Variants in ADAMTS17 observed in about 807,000 individuals in gnomAD.
ADAMTS17 encodes A disintegrin and metalloproteinase with thrombospondin motifs 17.
In ADAMTS17, 113 loss-of-function variants were observed where a neutral mutation model predicts 141.5. That is an observed-to-expected ratio of 0.80 (90% CI 0.69 to 0.93). The LOEUF is 0.93. ADAMTS17 is among the 40% of genes least tolerant of loss of function. The probability of loss-of-function intolerance (pLI) is 0.00; values close to 1 mark genes in which losing one functional copy is unlikely to be tolerated. For missense variants in ADAMTS17, 1,659 were observed against 1,517.9 expected, an observed-to-expected ratio of 1.09 and a Z score of -1.54; for synonymous variants, 768 against 630.6, an observed-to-expected ratio of 1.22 and a Z score of -3.27.
chr15:100,182,489 C>T (rs376309124), intron 8 of ADAMTS17, among the ~76,000 whole-genome samples: 12 of 152,256 alleles, frequency 7.9e-5, no homozygotes, highest in African/African-American at 2.2e-4. Flanking sequence ...GCTATCCCTC[C>T]GCCAAGCACA....
intron 18 of ADAMTS17, among the ~76,000 whole-genome samples, chr15:100,018,637 C>T (rs2061340299): frequency 6.6e-6 from 1 of 152,204 alleles, no homozygotes; most frequent in African/African-American, 2.4e-5. Flanking sequence ...TCCAGCTGTG[C>T]TTCCTGTACA....
chr15:100,089,568 A>C (rs1248301822), intron 15 of ADAMTS17, among the ~76,000 whole-genome samples: 1 of 151,784 alleles, frequency 6.6e-6, no homozygotes, highest in Admixed American at 6.6e-5. Context: ...AATAGCAAAG[A>C]CTTGGAACCA....
At chr15:100,331,078 G>T (rs143732895) in intron 2 of ADAMTS17, 24 bp from the exon 3 acceptor site, 9 of 1,613,850 alleles carry the variant, frequency 5.6e-6, no homozygotes, top group Non-Finnish European at 7.6e-6. Flanking sequence ...AGAAGGAAAC[G>T]CGATGTCGGT....
intron 20 of ADAMTS17, among the ~76,000 whole-genome samples, chr15:99,986,971 C>T (rs1249554561): frequency 3.3e-5 from 5 of 152,210 alleles, no homozygotes; most frequent in South Asian, 2.1e-4. Context: ...CCCTCATACA[C>T]GACCCTGGTT....
rs777283146 is a variant in ADAMTS17 at position 100,222,873 on chromosome 15, C to G, written c.1076-23450G>C. Among the ~76,000 whole-genome samples the G allele has an allele frequency of 2.0e-4, 30 of 152,144 alleles. 1 individual carries two copies. Among genetic ancestry groups the G allele is most frequent in the Admixed American group, 1.0e-3 (16 of 15,278 alleles). The stretch of plus-strand genomic sequence containing the variant: ...CCAGGCAGGAAGCCTAAGGGGGAGG[C>G]AGGCACCCTTCCAATGGTCTTTTGA... On this transcript the variant is annotated intron_variant, in intron 7 of 21. Transcript: ENST00000268070.
At chr15:100,292,387 TGTGAAATTACGAGAGACACTCACCCC>T (rs1219687368) in intron 3 of ADAMTS17, among the ~76,000 whole-genome samples, 1 of 150,862 alleles carries the variant, frequency 6.6e-6, no homozygotes, top group African/African-American at 2.5e-5. Context: ...GCTCACCCCG[TGTGAAATTACGAGAGACACTCACCCC>T]GTTAGAGACA....
chr15:100,267,466 T>C (rs1430065155), intron 4 of ADAMTS17, among the ~76,000 whole-genome samples: 2 of 152,216 alleles, frequency 1.3e-5, no homozygotes, highest in Non-Finnish European at 2.9e-5. Flanking sequence ...TCTTCCAGGC[T>C]CTGCTTTTAA....
chr15:100,043,664 C>T (rs1176693238), intron 18 of ADAMTS17, among the ~76,000 whole-genome samples: 1 of 152,168 alleles, frequency 6.6e-6, no homozygotes, highest in Non-Finnish European at 1.5e-5. Flanking sequence ...AGGATTATGA[C>T]TCAAAATACA....
At chr15:100,005,270 C>A (rs2061016033) in intron 18 of ADAMTS17, among the ~76,000 whole-genome samples, 1 of 152,198 alleles carries the variant, frequency 6.6e-6, no homozygotes, top group Admixed American at 6.5e-5. Flanking sequence ...CAAATTACCC[C>A]CAACTTAATG....
Position 100,341,801 on chromosome 15 carries a change from G to T in ADAMTS17, c.79+20C>A. The T allele has an allele frequency of 6.5e-7, 1 of 1,549,612 alleles. No homozygotes were observed. The highest frequency in any genetic ancestry group is 8.7e-7 in the Non-Finnish European group (1 of 1,146,384). Reference sequence around the variant, plus strand: ...AGCCGCAGGACGCGGGGTGAAGAGGGCTGTGGGAGGGGGCGCTACCTGTGC... The same window carrying T: ...AGCCGCAGGACGCGGGGTGAAGAGGTCTGTGGGAGGGGGCGCTACCTGTGC... On this transcript the variant is annotated intron_variant, in intron 1 of 21. Coordinates refer to ENST00000268070, the MANE Select transcript of ADAMTS17 (RefSeq NM_139057.4).
intron 7 of ADAMTS17, among the ~76,000 whole-genome samples, chr15:100,241,966 C>T (rs561867361): frequency 6.6e-6 from 1 of 152,308 alleles, no homozygotes; most frequent in African/African-American, 2.4e-5. Context: ...CATAACCTTC[C>T]TTCCCGTTCC....
At position 100,052,239 on chromosome 15, in the gene ADAMTS17, GTC is replaced by G. The variant is rs1214506191; in HGVS notation, c.2296-510_2296-509del. 2.0e-5 allele frequency among the ~76,000 whole-genome samples: 3 copies of G among 151,974 alleles called. No individual in the cohort carries two copies. The South Asian group carries it at 6.2e-4, about 32-fold the overall frequency. Reference sequence around the variant, plus strand: ...TCACTGCTGTGTCAGTTGGTCCAGAGTCAGGAGTAAGGCAAGCTCAAGGGCAA... The same window carrying G: ...TCACTGCTGTGTCAGTTGGTCCAGAGAGGAGTAAGGCAAGCTCAAGGGCAA... On this transcript the variant is annotated intron_variant, in intron 16 of 21. Coordinates refer to ENST00000268070, the MANE Select transcript of ADAMTS17 (RefSeq NM_139057.4).
intron 6 of ADAMTS17, among the ~76,000 whole-genome samples, chr15:100,258,961 T>A (rs2043423699): frequency 6.6e-6 from 1 of 151,418 alleles, no homozygotes; most frequent in South Asian, 2.1e-4. Flanking sequence ...GGAAAAAAAA[T>A]GCCATTCATC....
At chr15:100,254,291 G>T in intron 6 of ADAMTS17, 112 bp from the exon 7 acceptor site, 1 of 963,430 alleles carries the variant, frequency 1.0e-6, no homozygotes, top group Non-Finnish European at 1.6e-6. Flanking sequence ...TTTTCCAGTG[G>T]ACACAGGCCA....
intron 18 of ADAMTS17, among the ~76,000 whole-genome samples, chr15:100,047,094 C>T (rs995568884): frequency 2.4e-4 from 36 of 152,030 alleles, no homozygotes; most frequent in African/African-American, 8.2e-4. Context: ...TGGGTGTGGC[C>T]GTCTTCTATG....
chr15:100,140,488 C>CATACATATATATATATATATATAT (rs1386955753), intron 10 of ADAMTS17, among the ~76,000 whole-genome samples: 4 of 124,998 alleles, frequency 3.2e-5, no homozygotes, highest in Admixed American at 7.7e-5. Context: ...CACATACATA[C>CATACATATATATATATATATATAT]ATATATATAT....
At chr15:100,117,054 A>G in intron 12 of ADAMTS17, 41 bp from the exon 13 acceptor site, 1 of 1,560,990 alleles carries the variant, frequency 6.4e-7, no homozygotes, top group South Asian at 1.2e-5. Flanking sequence ...AGGTGGTGCG[A>G]CCAAAGGGCA....
intron 18 of ADAMTS17, among the ~76,000 whole-genome samples, chr15:100,011,050 G>C (rs900914408): frequency 5.3e-5 from 8 of 151,858 alleles, no homozygotes; most frequent in Admixed American, 2.0e-4. Context: ...CCGCGACGCA[G>C]ACAACGTTGT....
chr15:99,986,343 G>A (rs755741352), intron 20 of ADAMTS17, among the ~76,000 whole-genome samples: 1 of 152,254 alleles, frequency 6.6e-6, no homozygotes, highest in Non-Finnish European at 1.5e-5. Context: ...TTTCTGGGGA[G>A]CACACAGACA....
Sources: allele counts gnomAD v4.1 joint callset (sites outside exome capture counted in the v4.1 genomes callset), GRCh38; gene constraint gnomAD v4.1.1; transcripts MANE v1.5; gene names NCBI Gene and HGNC (gene_info 2026-07-23, HGNC 2026-07-21).